Variants in STPG2 observed in about 807,000 individuals in gnomAD.
STPG2 encodes the protein sperm-tail PG-rich repeat-containing protein 2.
STPG2 carries 56 observed loss-of-function variants against 54.2 expected under a neutral mutation model. That is an observed-to-expected ratio of 1.03 (90% CI 0.83 to 1.29). The LOEUF is 1.29. Among genes scored for constraint, STPG2 ranks in the 50% most tolerant of loss-of-function variants. The pLI, the probability that STPG2 is intolerant of heterozygous loss-of-function variation, is 0.00. For synonymous variants in STPG2, 200 were observed against 181.8 expected (o/e 1.10, Z -0.81); for missense variants, 596 against 544.9 (o/e 1.09, Z -0.93).
At chr4:97,474,183 C>G (rs952733445) in intron 4 of STPG2, among the ~76,000 whole-genome samples, 2 of 151,684 alleles carry the variant, frequency 1.3e-5, no homozygotes, top group Non-Finnish European at 2.9e-5. Flanking sequence ...TTTGTGGGAA[C>G]TGGAGTTTAT....
intron 9 of STPG2, among the ~76,000 whole-genome samples, chr4:97,770,381 A>C (rs886170234): frequency 4.6e-5 from 7 of 152,194 alleles, no homozygotes; most frequent in Non-Finnish European, 7.3e-5. Context: ...GGATGTTTGG[A>C]GGAAGAACAT....
intron 4 of STPG2, among the ~76,000 whole-genome samples, chr4:97,486,355 T>G (rs1730358461): frequency 6.6e-6 from 1 of 151,590 alleles, no homozygotes; most frequent in Non-Finnish European, 1.5e-5. Context: ...AAAAGTGGGC[T>G]AAGAACATGA....
chr4:97,983,851 A>C (rs1734751642), intron 5 of STPG2, among the ~76,000 whole-genome samples: 1 of 152,206 alleles, frequency 6.6e-6, no homozygotes, highest in African/African-American at 2.4e-5. Context: ...ACACTCATAC[A>C]TAGACATGTG....
chr4:97,777,016 T>C (rs1726398089), intron 9 of STPG2, among the ~76,000 whole-genome samples: 1 of 152,178 alleles, frequency 6.6e-6, no homozygotes, highest in African/African-American at 2.4e-5. Context: ...CTTTTAAGAA[T>C]TAAAAGAGAT....
chr4:97,909,621 T>A (rs1731600817), intron 8 of STPG2, among the ~76,000 whole-genome samples: 1 of 152,190 alleles, frequency 6.6e-6, no homozygotes, highest in Non-Finnish European at 1.5e-5. Context: ...ACCTACATTT[T>A]ATTCAACACA....
At chr4:98,137,321 A>G (rs968784602) in intron 1 of STPG2, among the ~76,000 whole-genome samples, 15 of 150,926 alleles carry the variant, frequency 9.9e-5, no homozygotes, top group Non-Finnish European at 2.1e-4. Flanking sequence ...CAAGGAAGTT[A>G]TTACCATAAT....
At chr4:98,054,551 A>C (rs1737425795) in intron 5 of STPG2, among the ~76,000 whole-genome samples, 1 of 152,190 alleles carries the variant, frequency 6.6e-6, no homozygotes, top group African/African-American at 2.4e-5. Flanking sequence ...TTATCTGCTA[A>C]TGTTTTAACT....
At chr4:97,443,252 G>A (rs145545750) in intron 4 of STPG2, among the ~76,000 whole-genome samples, 6 of 152,124 alleles carry the variant, frequency 3.9e-5, no homozygotes, top group African/African-American at 9.6e-5. Flanking sequence ...GCCACAAGGC[G>A]GATAAAAACC....
In STPG2 at chr4:97,835,835, T is replaced by G. The variant is rs570361075; in HGVS notation, c.1204+4938A>C. Among the ~76,000 whole-genome samples, 124 of 152,102 alleles carry G rather than the reference T, an allele frequency of 8.2e-4. 1 individual carries two copies. The highest frequency in any genetic ancestry group is 1.6e-3 in the Non-Finnish European group (106 of 67,968). On this transcript the variant is annotated intron_variant, in intron 9 of 10. Transcript: ENST00000295268. ...AAGGTTGATTCCATTCCTCATGAAT[T>G]GAGGGGTTCAAGATTTCAGAAGAGG...
chr4:97,898,259 T>C (rs1032238466), intron 8 of STPG2, among the ~76,000 whole-genome samples: 32 of 152,056 alleles, frequency 2.1e-4, no homozygotes, highest in African/African-American at 4.8e-5. Flanking sequence ...TCCATTGGAA[T>C]ATGTGTCTGC....
chr4:98,062,587 A>G (rs144801940), intron 5 of STPG2, among the ~76,000 whole-genome samples: 302 of 152,320 alleles, frequency 2.0e-3, no homozygotes, highest in African/African-American at 7.1e-3. Context: ...TCACATATAC[A>G]AGATTATTTG....
intron 9 of STPG2, among the ~76,000 whole-genome samples, chr4:97,816,089 T>G (rs1020102225): frequency 2.0e-5 from 3 of 152,116 alleles, no homozygotes; most frequent in Non-Finnish European, 4.4e-5. Context: ...GTCCATGTGT[T>G]CTCATTGTTC....
At chr4:97,741,928 G>T (rs1407644064) in intron 9 of STPG2, among the ~76,000 whole-genome samples, 119 of 152,066 alleles carry the variant, frequency 7.8e-4, no homozygotes, top group African/African-American at 2.7e-3. Context: ...TGTTTATTGT[G>T]GCACTATTCA....
At chr4:97,703,288 A>G (rs1316318636) in intron 10 of STPG2, among the ~76,000 whole-genome samples, 6 of 151,120 alleles carry the variant, frequency 4.0e-5, no homozygotes, top group African/African-American at 1.5e-4. Context: ...GAACCCCAAA[A>G]CCAGCAAAAG....
At chr4:97,624,573 T>C (rs1398125567) in intron 10 of STPG2, among the ~76,000 whole-genome samples, 1 of 152,214 alleles carries the variant, frequency 6.6e-6, no homozygotes, top group Non-Finnish European at 1.5e-5. Flanking sequence ...ATTCTGTAGG[T>C]TGTCTGTTCA....
intron 8 of STPG2, among the ~76,000 whole-genome samples, chr4:97,896,258 T>C (rs1730949383): frequency 1.3e-5 from 2 of 151,812 alleles, no homozygotes. Context: ...ATGGTAATCA[T>C]CATAACTAAC....
At chr4:98,086,476 A>G (rs931952177) in intron 5 of STPG2, among the ~76,000 whole-genome samples, 2 of 152,034 alleles carry the variant, frequency 1.3e-5, no homozygotes, top group Non-Finnish European at 2.9e-5. Flanking sequence ...GATTTAGCAA[A>G]TTTTAAACAC....
intron 10 of STPG2, among the ~76,000 whole-genome samples, chr4:97,653,677 A>G (rs1172215365): frequency 6.6e-6 from 1 of 152,140 alleles, no homozygotes. Flanking sequence ...TGACAAAATT[A>G]TGTTATTGAT....
intron 10 of STPG2, among the ~76,000 whole-genome samples, chr4:97,601,657 T>G (rs1251916710): frequency 6.6e-6 from 1 of 151,948 alleles, no homozygotes; most frequent in Non-Finnish European, 1.5e-5. Context: ...GATCCATATA[T>G]GCATACATCT....
Sources: gnomAD v4.1 joint callset for allele counts (sites outside exome capture counted in the v4.1 genomes callset) on GRCh38, gnomAD v4.1.1 for gene constraint, MANE v1.5 for transcripts, NCBI Gene and HGNC (gene_info 2026-07-23, HGNC 2026-07-21) for gene names.